Variants in DGKB observed in about 807,000 individuals in gnomAD.
DGKB encodes diacylglycerol kinase beta.
A neutral mutation model predicts 114.3 loss-of-function variants in DGKB; 67 were observed. The observed-to-expected ratio is 0.59, with a 90% CI of 0.48 to 0.72. The LOEUF (loss-of-function observed/expected upper bound fraction) is 0.72. Ranked by LOEUF, DGKB falls within the 30% of genes least tolerant of loss-of-function variation. The probability of loss-of-function intolerance (pLI) is 0.00; values close to 1 mark genes in which losing one functional copy is unlikely to be tolerated. For missense variants in DGKB, 907 were observed against 975.2 expected (o/e 0.93, Z 0.93); for synonymous variants, 398 against 323.1 (o/e 1.23, Z -2.49).
intron 2 of DGKB, among the ~76,000 whole-genome samples, chr7:14,834,438 A>G (rs1316167197): frequency 3.9e-5 from 6 of 152,128 alleles, no homozygotes; most frequent in Non-Finnish European, 8.8e-5. Flanking sequence ...ACTCCCTTGA[A>G]GTTAAATATG....
intron 17 of DGKB, among the ~76,000 whole-genome samples, chr7:14,590,572 T>C (rs1368564201): frequency 6.6e-6 from 1 of 152,154 alleles, no homozygotes; most frequent in Non-Finnish European, 1.5e-5. Flanking sequence ...GTAAATTGAT[T>C]GCTAATCGGA....
At chr7:14,966,575 A>G (rs1308045105) in intron 1 of DGKB, among the ~76,000 whole-genome samples, 1 of 152,084 alleles carries the variant, frequency 6.6e-6, no homozygotes, top group Admixed American at 6.6e-5. Flanking sequence ...ACGTGCTGAG[A>G]TTACAGGCTT....
At chr7:14,673,463 A>C (rs2128950212) in intron 12 of DGKB, among the ~76,000 whole-genome samples, 1 of 144,354 alleles carries the variant, frequency 6.9e-6, no homozygotes, top group East Asian at 2.1e-4. Flanking sequence ...ACAGCTCAGT[A>C]TGGGGCATAA....
intron 21 of DGKB, among the ~76,000 whole-genome samples, chr7:14,406,579 A>C (rs1171494010): frequency 6.6e-6 from 1 of 152,044 alleles, no homozygotes; most frequent in Non-Finnish European, 1.5e-5. Context: ...ACCATAAAAC[A>C]ATCATTGGTG....
Position 14,944,746 on chromosome 7 carries a change from A to G in DGKB, c.-188+29950T>C, listed in dbSNP as rs188696235. On this transcript the variant is annotated intron_variant, in intron 1 of 4. Transcript: ENST00000437998. Reference sequence around the variant, plus strand: ...TAGAGGCCATGCTAACTAGCCTACAATGTACAGGACAGACCCCCACAATCA... The same window carrying G: ...TAGAGGCCATGCTAACTAGCCTACAGTGTACAGGACAGACCCCCACAATCA... Among the ~76,000 whole-genome samples, 54 of 151,844 alleles carry G rather than the reference A, an allele frequency of 3.6e-4. 1 individual carries two copies. The highest frequency in any genetic ancestry group is 1.2e-3 in the African/African-American group (51 of 41,476).
intron 21 of DGKB, among the ~76,000 whole-genome samples, chr7:14,366,580 CTTTCA>C (rs1034727273): frequency 6.6e-6 from 1 of 152,084 alleles, no homozygotes; most frequent in African/African-American, 2.4e-5. Context: ...GCTTTCTTCT[CTTTCA>C]TTTATCTTAA....
chr7:14,421,312 C>T (rs1398402574), intron 21 of DGKB, among the ~76,000 whole-genome samples: 2 of 152,056 alleles, frequency 1.3e-5, no homozygotes, highest in Admixed American at 6.6e-5. Context: ...TTGTTCAATA[C>T]ATCAAGAGCC....
In DGKB at chr7:14,163,662, AT is replaced by A. The variant is rs1784225654; in HGVS notation, c.2304+13176del. On this transcript the variant is annotated intron_variant, in intron 25 of 25. Transcript: ENST00000402815. Reference sequence around the variant, plus strand: ...GTTTCAAGGGGGCAGAAGACTATTAATTTTCTCTCTTCAAATTATCAACATT... The same window carrying A: ...GTTTCAAGGGGGCAGAAGACTATTAATTTCTCTCTTCAAATTATCAACATT... Among the ~76,000 whole-genome samples the A allele has an allele frequency of 2.6e-5, 4 of 152,208 alleles. No homozygotes were observed. The South Asian group carries it at 8.3e-4, about 32-fold the overall frequency.
rs554979017 is a variant in DGKB at position 14,353,487 on chromosome 7, C to G, written c.1836-8096G>C. The stretch of plus-strand genomic sequence containing the variant: ...CTGGAGATGAAGCAGCCTTCTTGCC[C>G]CTATGAAGGAAAAGACAAGGGAAAC... On this transcript the variant is annotated intron_variant, in intron 21 of 25. Transcript: ENST00000402815. Among the ~76,000 whole-genome samples, 4 of 152,136 alleles carry G rather than the reference C, an allele frequency of 2.6e-5. No homozygotes were observed. The South Asian group carries it at 8.3e-4, about 32-fold the overall frequency.
At chr7:14,595,495 A>C (rs1363211617) in intron 17 of DGKB, among the ~76,000 whole-genome samples, 1 of 151,244 alleles carries the variant, frequency 6.6e-6, no homozygotes, top group East Asian at 1.9e-4. Flanking sequence ...AGGAGAGTGA[A>C]TCCTGATTAT....
intron 13 of DGKB, among the ~76,000 whole-genome samples, chr7:14,651,899 A>G: frequency 7.6e-6 from 1 of 131,818 alleles, no homozygotes; most frequent in Non-Finnish European, 1.6e-5. Flanking sequence ...CCCATTCACA[A>G]TTGCTTCAAA....
chr7:14,949,086 G>C (rs1786033010), intron 1 of DGKB, among the ~76,000 whole-genome samples: 1 of 151,888 alleles, frequency 6.6e-6, no homozygotes. Flanking sequence ...TTTATATTCA[G>C]TATACAAAGT....
chr7:14,438,381 C>T (rs1361174081), intron 21 of DGKB, among the ~76,000 whole-genome samples: 5 of 151,910 alleles, frequency 3.3e-5, no homozygotes, highest in African/African-American at 9.7e-5. Flanking sequence ...CAGAATCCAC[C>T]GAAAACATTT....
At chr7:14,379,313 T>C (rs1427091973) in intron 21 of DGKB, among the ~76,000 whole-genome samples, 1 of 152,162 alleles carries the variant, frequency 6.6e-6, no homozygotes, top group Non-Finnish European at 1.5e-5. Flanking sequence ...ATCATTTTTG[T>C]TGAACCAACT....
chr7:14,665,071 C>T (rs754533884), intron 13 of DGKB, among the ~76,000 whole-genome samples: 2 of 151,936 alleles, frequency 1.3e-5, no homozygotes, highest in Non-Finnish European at 2.9e-5. Flanking sequence ...TATCATACAA[C>T]TTCAACTTTA....
intron 15 of DGKB, among the ~76,000 whole-genome samples, chr7:14,613,720 G>A (rs191182872): frequency 9.2e-5 from 14 of 151,970 alleles, no homozygotes; most frequent in African/African-American, 3.1e-4. Context: ...AAAAAATTAC[G>A]ATTTTCAGAC....
At chr7:14,394,191 T>G (rs146991751) in intron 21 of DGKB, among the ~76,000 whole-genome samples, 1 of 152,156 alleles carries the variant, frequency 6.6e-6, no homozygotes. Context: ...ACTAAAGAGA[T>G]GGGTTTCCAC....
chr7:14,429,648 C>G (rs1828123004), intron 21 of DGKB, among the ~76,000 whole-genome samples: 1 of 152,140 alleles, frequency 6.6e-6, no homozygotes, highest in African/African-American at 2.4e-5. Context: ...GGGGGCCAGG[C>G]ACGGTGGTTC....
At chr7:14,577,545 G>A (rs550055888) in intron 19 of DGKB, among the ~76,000 whole-genome samples, 63 of 152,104 alleles carry the variant, frequency 4.1e-4, no homozygotes, top group Non-Finnish European at 2.4e-4. Context: ...TGAACCCGGG[G>A]GGCGGAGCCT....
Sources: gnomAD v4.1 joint callset for allele counts (sites outside exome capture counted in the v4.1 genomes callset) on GRCh38, gnomAD v4.1.1 for gene constraint, MANE v1.5 for transcripts, NCBI Gene and HGNC (gene_info 2026-07-23, HGNC 2026-07-21) for gene names.